Variants in DTNA observed in about 807,000 individuals in gnomAD.
The protein encoded by DTNA is dystrobrevin alpha, also known as dystrophin-related protein 3.
In DTNA, 43 loss-of-function variants were observed where a neutral mutation model predicts 100.7. The ratio of observed to expected loss-of-function variants is 0.43; its 90% CI spans 0.33 to 0.55. DTNA has a LOEUF of 0.55. Among genes scored for constraint, DTNA ranks in the 20% least tolerant of loss-of-function variants. The pLI is 0.04. For synonymous variants in DTNA, 349 were observed against 347.9 expected, an observed-to-expected ratio of 1.00 and a Z score of -0.04; for missense variants, 798 against 953.9, an observed-to-expected ratio of 0.84 and a Z score of 2.15.
chr18:34,868,155 A>C (rs1417026599), intron 17 of DTNA: 5 of 116,902 alleles, frequency 4.3e-5, no homozygotes, highest in South Asian at 2.7e-4. Context: ...GCAATGAAGC[A>C]AAAAAAAAAA....
chr18:34,797,515 C>G (rs2095032670), intron 4 of DTNA, among the ~76,000 whole-genome samples: 1 of 152,066 alleles, frequency 6.6e-6, no homozygotes, highest in Non-Finnish European at 1.5e-5. Context: ...CTCCAGAATC[C>G]CCCCAGCAAA....
At chr18:34,732,007 A>G (rs1462521760) in intron 1 of DTNA, among the ~76,000 whole-genome samples, 1 of 152,118 alleles carries the variant, frequency 6.6e-6, no homozygotes, top group Non-Finnish European at 1.5e-5. Flanking sequence ...CTTTCTGTGC[A>G]TTTTCTACTC....
chr18:34,576,089 G>A (rs1357610636), intron 1 of DTNA, among the ~76,000 whole-genome samples: 2 of 152,198 alleles, frequency 1.3e-5, no homozygotes, highest in African/African-American at 4.8e-5. Context: ...CCCAATGAGA[G>A]CTGTCCATAG....
intron 1 of DTNA, among the ~76,000 whole-genome samples, chr18:34,673,302 T>C (rs1008610697): frequency 6.6e-6 from 1 of 152,110 alleles, no homozygotes; most frequent in African/African-American, 2.4e-5. Flanking sequence ...ATACAATTTC[T>C]GAGATACTTA....
intron 10 of DTNA, among the ~76,000 whole-genome samples, chr18:34,827,988 T>C (rs2095900129): frequency 6.6e-6 from 1 of 152,132 alleles, no homozygotes; most frequent in Admixed American, 6.6e-5. Context: ...ACGTTCATAG[T>C]CCTCAGAGTT....
chr18:34,770,500 G>A (rs538930997), intron 3 of DTNA, among the ~76,000 whole-genome samples: 1 of 152,204 alleles, frequency 6.6e-6, no homozygotes, highest in African/African-American at 2.4e-5. Flanking sequence ...CTTTGTTTAT[G>A]ATTTTGCATG....
At chr18:34,534,655 C>A (rs1330726741) in intron 1 of DTNA, among the ~76,000 whole-genome samples, 1 of 151,958 alleles carries the variant, frequency 6.6e-6, no homozygotes, top group Non-Finnish European at 1.5e-5. Flanking sequence ...CCTCCAACCC[C>A]CCTACAGGCT....
chr18:34,598,442 A>G (rs2051086904), intron 1 of DTNA, among the ~76,000 whole-genome samples: 1 of 152,210 alleles, frequency 6.6e-6, no homozygotes, highest in African/African-American at 2.4e-5. Flanking sequence ...CTCATTGCAT[A>G]CAACCTCAAT....
chr18:34,753,237 C>T (rs1014814858), intron 1 of DTNA, among the ~76,000 whole-genome samples: 7 of 152,092 alleles, frequency 4.6e-5, no homozygotes, highest in Non-Finnish European at 8.8e-5. Flanking sequence ...GTCACAACAC[C>T]GCAAAACAAG....
At chr18:34,885,833 C>G (rs1266996388) in intron 22 of DTNA, among the ~76,000 whole-genome samples, 1 of 152,232 alleles carries the variant, frequency 6.6e-6, no homozygotes, top group Non-Finnish European at 1.5e-5. Context: ...GTACGGGAAA[C>G]ACTGGGACCC....
At chr18:34,775,317 T>C (rs2093987869) in intron 3 of DTNA, among the ~76,000 whole-genome samples, 1 of 152,010 alleles carries the variant, frequency 6.6e-6, no homozygotes, top group Non-Finnish European at 1.5e-5. Context: ...AAACCCCGTC[T>C]CTACTAAAAA....
intron 1 of DTNA, chr18:34,737,721 G>C (rs1192404802): frequency 6.6e-6 from 1 of 152,126 alleles, no homozygotes; most frequent in Admixed American, 6.6e-5. Context: ...TTTAAGTCCT[G>C]TGCATAGGAG....
chr18:34,848,122 A>G (rs2096412892), intron 13 of DTNA, among the ~76,000 whole-genome samples, 174 bp from the exon 14 acceptor site: 1 of 152,236 alleles, frequency 6.6e-6, no homozygotes, highest in Admixed American at 6.5e-5. Context: ...TCCCGACTAT[A>G]TATTAGATCA....
chr18:34,623,885 A>G (rs2056923807), intron 1 of DTNA, among the ~76,000 whole-genome samples: 1 of 152,212 alleles, frequency 6.6e-6, no homozygotes, highest in South Asian at 2.1e-4. Flanking sequence ...ATGTGTTGAA[A>G]ATTGTCCTTA....
At position 34,558,304 on chromosome 18, in the gene DTNA, T is replaced by C. The variant is rs567081509; in HGVS notation, c.-2+64790T>C. Among the ~76,000 whole-genome samples the C allele has an allele frequency of 1.1e-3, 167 of 152,300 alleles. 2 individuals are homozygous for C. Among genetic ancestry groups the C allele is most frequent in the African/African-American group, 3.6e-3 (151 of 41,584 alleles). ...AGTGAGATGAACCTGGTACCTCAGATGGAAATGCAGAAATCACCCGTCTTC... is the reference window on the plus strand; with the variant it reads ...AGTGAGATGAACCTGGTACCTCAGACGGAAATGCAGAAATCACCCGTCTTC... On this transcript the variant is annotated intron_variant, in intron 1 of 19. Transcript: ENST00000283365.
chr18:34,840,386 T>C (rs1023621057), intron 13 of DTNA, among the ~76,000 whole-genome samples: 9 of 152,148 alleles, frequency 5.9e-5, no homozygotes, highest in African/African-American at 1.9e-4. Context: ...ATTGAATTTT[T>C]TTTTAATTGT....
chr18:34,692,097 C>T (rs1283139645), intron 1 of DTNA, among the ~76,000 whole-genome samples: 2 of 152,204 alleles, frequency 1.3e-5, no homozygotes, highest in African/African-American at 2.4e-5. Context: ...GCCAAGTCTC[C>T]TCCTCTTTGA....
intron 4 of DTNA, 129 bp from the exon 5 acceptor site, chr18:34,806,090 C>G (rs761637939): frequency 1.1e-4 from 84 of 751,618 alleles, no homozygotes; most frequent in Non-Finnish European, 1.8e-4. Context: ...CCACATAAGG[C>G]ATGCAGCTAT....
At chr18:34,774,814 G>A (rs1192231620) in intron 3 of DTNA, among the ~76,000 whole-genome samples, 2 of 152,192 alleles carry the variant, frequency 1.3e-5, no homozygotes, top group Non-Finnish European at 2.9e-5. Flanking sequence ...TAAAAGAGAG[G>A]TTGCTTCCAC....
Sources: allele counts gnomAD v4.1 joint callset (sites outside exome capture counted in the v4.1 genomes callset), GRCh38; gene constraint gnomAD v4.1.1; transcripts MANE v1.5; gene names NCBI Gene and HGNC (gene_info 2026-07-23, HGNC 2026-07-21).